PNKD: variants seen among roughly 807,000 people sequenced by gnomAD.
PNKD encodes probable thioesterase PNKD.
Under a neutral mutation model 45.3 loss-of-function variants are expected in PNKD, and 36 were observed. That is an observed-to-expected ratio of 0.80 (90% confidence interval 0.61 to 1.05). PNKD has a LOEUF of 1.05. Ranked by LOEUF, PNKD falls within the 50% of genes least tolerant of loss-of-function variation. PNKD has a pLI of 0.00. For missense variants in PNKD, 511 were observed against 506.6 expected, an observed-to-expected ratio of 1.01 and a Z score of -0.08; for synonymous variants, 197 against 210.1, an observed-to-expected ratio of 0.94 and a Z score of 0.54.
chr2:218,287,625 G>T (rs1044249929), intron 2 of PNKD, among the ~76,000 whole-genome samples: 1 of 152,206 alleles, frequency 6.6e-6, no homozygotes. Flanking sequence ...CAGGGGGATC[G>T]CTCGAACCCG....
chr2:218,323,232 C>T, intron 2 of PNKD: 1 of 1,453,936 alleles, frequency 6.9e-7, no homozygotes, highest in Admixed American at 2.6e-5. Flanking sequence ...CTAGCAACGC[C>T]GAGCCCCGCC....
At chr2:218,325,887 G>A (rs1457238365) in intron 2 of PNKD, among the ~76,000 whole-genome samples, 1 of 152,218 alleles carries the variant, frequency 6.6e-6, no homozygotes, top group African/African-American at 2.4e-5. Flanking sequence ...GCAGAGAGAA[G>A]GGTGCGCCTG....
rs576119929 is a variant in PNKD at position 218,306,498 on chromosome 2, C to G, written c.237-33285C>G. On this transcript the variant is annotated intron_variant, in intron 2 of 9. Transcript: ENST00000273077. ...ACGGCCCAGGCAAGGTGTCCTTTCT[C>G]TGGGTAATCACGGTTAATCCTCCGA... Among the ~76,000 whole-genome samples the G allele has an allele frequency of 3.3e-5, 5 of 152,310 alleles. No individual in the cohort carries two copies. In the East Asian group the frequency reaches 5.8e-4, roughly 18 times the overall value.
chr2:218,295,883 A>G (rs1230073272), intron 2 of PNKD, among the ~76,000 whole-genome samples: 1 of 143,886 alleles, frequency 6.9e-6, no homozygotes, highest in Admixed American at 7.3e-5. Flanking sequence ...CTGGCTCTGC[A>G]CTCCCAGGCT....
intron 2 of PNKD, among the ~76,000 whole-genome samples, chr2:218,290,570 G>A (rs371344517): frequency 3.9e-5 from 6 of 152,294 alleles, no homozygotes; most frequent in African/African-American, 7.2e-5. Context: ...CTATCCCACC[G>A]TGGGATTTAC....
At chr2:218,305,660 G>A (rs1424452107) in intron 2 of PNKD, among the ~76,000 whole-genome samples, 1 of 152,052 alleles carries the variant, frequency 6.6e-6, no homozygotes, top group Non-Finnish European at 1.5e-5. Context: ...CCCCAGCCCA[G>A]AGGTCAGAGT....
intron 2 of PNKD, among the ~76,000 whole-genome samples, chr2:218,296,296 G>A (rs1693137955): frequency 1.3e-5 from 2 of 152,222 alleles, no homozygotes; most frequent in South Asian, 2.1e-4. Flanking sequence ...GGAGGAAAGT[G>A]GAGTCAAGTC....
intron 2 of PNKD, among the ~76,000 whole-genome samples, chr2:218,338,226 C>T (rs776494227): frequency 3.3e-5 from 5 of 151,912 alleles, no homozygotes; most frequent in African/African-American, 4.8e-5. Flanking sequence ...TTTGAAAGGC[C>T]GAGGCAGGCG....
At chr2:218,309,348 G>A (rs1346660021) in intron 2 of PNKD, among the ~76,000 whole-genome samples, 4 of 144,692 alleles carry the variant, frequency 2.8e-5, no homozygotes, top group African/African-American at 7.7e-5. Context: ...GAACCCAGGA[G>A]CCAGAGGTTG....
chr2:218,333,598 T>C (rs907331993), intron 2 of PNKD, among the ~76,000 whole-genome samples: 1 of 152,172 alleles, frequency 6.6e-6, no homozygotes, highest in Non-Finnish European at 1.5e-5. Context: ...CATTGCCATG[T>C]TATAGATGAG....
intron 2 of PNKD, among the ~76,000 whole-genome samples, chr2:218,309,069 G>A (rs1407669821): frequency 6.6e-6 from 1 of 151,500 alleles, no homozygotes; most frequent in Non-Finnish European, 1.5e-5. Flanking sequence ...GTGAGACCCT[G>A]TCTCTATTTA....
intron 2 of PNKD, among the ~76,000 whole-genome samples, chr2:218,272,190 CT>C (rs1006949158): frequency 1.4e-4 from 22 of 152,178 alleles, no homozygotes; most frequent in African/African-American, 5.3e-4. Context: ...GGGAGGGTAC[CT>C]TGGCCAAGTC....
chr2:218,317,889 T>C (rs557008933), intron 2 of PNKD: 7 of 152,348 alleles, frequency 4.6e-5, no homozygotes, highest in African/African-American at 1.7e-4. Flanking sequence ...GGTTCACTTT[T>C]CTAAACTGAA....
intron 2 of PNKD, among the ~76,000 whole-genome samples, chr2:218,286,172 T>C (rs1433434335): frequency 6.6e-6 from 1 of 152,112 alleles, no homozygotes; most frequent in Non-Finnish European, 1.5e-5. Flanking sequence ...TTTCCCAAAA[T>C]ACAGTAGGCA....
chr2:218,322,882 A>G (rs1243608802), intron 2 of PNKD, among the ~76,000 whole-genome samples: 1 of 152,216 alleles, frequency 6.6e-6, no homozygotes, highest in Non-Finnish European at 1.5e-5. Flanking sequence ...GCTGACCCCG[A>G]TGATCTCTCA....
chr2:218,334,173 G>T (rs569536300), intron 2 of PNKD, among the ~76,000 whole-genome samples: 1 of 152,050 alleles, frequency 6.6e-6, no homozygotes, highest in South Asian at 2.1e-4. Context: ...TGTCAAAATA[G>T]TATATAGCAT....
intron 2 of PNKD, among the ~76,000 whole-genome samples, chr2:218,317,579 G>A (rs570244323): frequency 6.6e-6 from 1 of 152,324 alleles, no homozygotes; most frequent in Non-Finnish European, 1.5e-5. Context: ...TGGAGACAAT[G>A]TAGGAGACTA....
chr2:218,339,707 G>A lies in PNKD; in HGVS notation c.237-76G>A. The A allele has an allele frequency of 4.8e-6, 4 of 830,980 alleles. No homozygotes were observed. In the South Asian group the frequency reaches 5.6e-5, roughly 12 times the overall value. 51.5% of individuals were successfully genotyped at this position (830,980 alleles called of 1,614,324 possible). ...GTCACCAAAGGAATGGAGATGTGGG[G>A]CCTGCAGGCATCACGAAGGAGTCTA... On this transcript the variant is annotated intron_variant, in intron 2 of 9. Transcript: ENST00000273077.
chr2:218,298,689 G>A (rs1307505386), intron 2 of PNKD, among the ~76,000 whole-genome samples: 1 of 152,146 alleles, frequency 6.6e-6, no homozygotes, highest in African/African-American at 2.4e-5. Context: ...GAGCTCAGCA[G>A]GGCCAGGCTC....
Sources: gnomAD v4.1 joint callset for allele counts (sites outside exome capture counted in the v4.1 genomes callset) on GRCh38, gnomAD v4.1.1 for gene constraint, MANE v1.5 for transcripts, NCBI Gene and HGNC (gene_info 2026-07-23, HGNC 2026-07-21) for gene names.